Variants in NT5C2 observed in about 807,000 individuals in gnomAD.
NT5C2 encodes the protein 5'-nucleotidase, cytosolic II.
In NT5C2, 58 loss-of-function variants were observed where a neutral mutation model predicts 76.1. That is an observed-to-expected ratio of 0.76 (90% confidence interval 0.62 to 0.95). The LOEUF (loss-of-function observed/expected upper bound fraction) is 0.95, where lower values mean the gene tolerates loss of function less well. Ranked by LOEUF, NT5C2 falls within the 40% of genes least tolerant of loss-of-function variation. NT5C2 has a pLI of 0.00. For synonymous variants in NT5C2, 229 were observed against 237.4 expected (o/e 0.96, Z 0.32); for missense variants, 478 against 690.3 (o/e 0.69, Z 3.45).
intron 8 of NT5C2, 153 bp downstream of exon 8, chr10:103,100,892 T>C (rs1244425742): frequency 1.4e-6 from 1 of 702,882 alleles, no homozygotes; most frequent in Non-Finnish European, 2.6e-6. Flanking sequence ...CTGCTGGTGC[T>C]GTCCCATCTC....
Position 103,095,927 on chromosome 10 carries a change from CACAT to C in NT5C2, c.813+8_813+11del. 1 of 1,608,338 alleles carries C rather than the reference CACAT, an allele frequency of 6.2e-7. No homozygotes were observed. Among genetic ancestry groups the C allele is most frequent in the Non-Finnish European group, 8.5e-7 (1 of 1,175,166 alleles). ...TTATTAAAGCAGTGGTCTATTGAGT[CACAT>C]ACGGTACCTTGGGGCCATGTGGGAA... is the stretch of plus-strand genomic sequence containing the variant. On this transcript the variant is annotated splice_region_variant and intron_variant, in intron 12 of 18. Transcript: ENST00000404739.
At chr10:103,129,473 A>T (rs1299004021) in intron 4 of NT5C2, among the ~76,000 whole-genome samples, 1 of 66,114 alleles carries the variant, frequency 1.5e-5, no homozygotes, top group South Asian at 7.4e-4. Flanking sequence ...CGGGAGGGAG[A>T]TGGGGGGGTC....
intron 3 of NT5C2, among the ~76,000 whole-genome samples, chr10:103,167,915 T>C (rs1188968792): frequency 6.6e-6 from 1 of 152,176 alleles, no homozygotes; most frequent in Non-Finnish European, 1.5e-5. Context: ...ATCACAGGCA[T>C]AAGCCACCGT....
Position 103,143,602 on chromosome 10 carries a change from ATTTTTTTTTT to A in NT5C2, c.102-4133_102-4124del, listed in dbSNP as rs67395221. Among the ~76,000 whole-genome samples the A allele has an allele frequency of 6.2e-3, 336 of 53,916 alleles. 1 individual carries two copies. The highest frequency in any genetic ancestry group is 0.025 in the African/African-American group (272 of 11,044). 35.4% of individuals were successfully genotyped at this position (53,916 alleles called of 152,430 possible). On this transcript the variant is annotated intron_variant, in intron 3 of 18. Coordinates refer to ENST00000404739, the MANE Select transcript of NT5C2 (RefSeq NM_001351169.2). ...CAGGTACGCACCACCATGTCCAGCT[ATTTTTTTTTT>A]TTTTTTTTTTTTTTTTTTTTGTAGA...
intron 4 of NT5C2, among the ~76,000 whole-genome samples, chr10:103,129,977 A>AG (rs1464055517): frequency 6.7e-6 from 1 of 148,428 alleles, no homozygotes; most frequent in African/African-American, 2.5e-5. Flanking sequence ...CCGGGAGGTG[A>AG]GGGGCGCCTC....
intron 2 of NT5C2, among the ~76,000 whole-genome samples, chr10:103,177,825 A>G (rs1414439057): frequency 6.6e-6 from 1 of 152,216 alleles, no homozygotes; most frequent in Non-Finnish European, 1.5e-5. Context: ...TGGCCACTTT[A>G]AAGTGAACAA....
At chr10:103,118,741 A>C (rs2074986233) in intron 4 of NT5C2, among the ~76,000 whole-genome samples, 1 of 152,016 alleles carries the variant, frequency 6.6e-6, no homozygotes, top group Non-Finnish European at 1.5e-5. Context: ...TACTTTGTTT[A>C]GTTTTATGAA....
At chr10:103,134,820 A>T (rs998376262) in intron 4 of NT5C2, among the ~76,000 whole-genome samples, 1 of 152,188 alleles carries the variant, frequency 6.6e-6, no homozygotes, top group African/African-American at 2.4e-5. Flanking sequence ...AGCTGCCCAA[A>T]ACCATGGGAA....
At chr10:103,097,942 C>T in intron 10 of NT5C2, 1 of 476,194 alleles carries the variant, frequency 2.1e-6, no homozygotes, top group South Asian at 1.6e-5. Flanking sequence ...CAAATAGATT[C>T]CTTCACTCAA....
chr10:103,090,013 T>C (rs1013113635), intron 18 of NT5C2, 105 bp from the exon 19 acceptor site: 1 of 809,420 alleles, frequency 1.2e-6, no homozygotes, highest in Non-Finnish European at 1.9e-6. Flanking sequence ...ATTACATCTA[T>C]AATGGACCAC....
At chr10:103,134,944 G>A (rs949469543) in intron 4 of NT5C2, among the ~76,000 whole-genome samples, 8 of 152,220 alleles carry the variant, frequency 5.3e-5, no homozygotes, top group African/African-American at 1.9e-4. Flanking sequence ...GGGGCCTGTA[G>A]CCCCTTTGTT....
At chr10:103,187,852 G>A (rs1397420830) in intron 1 of NT5C2, among the ~76,000 whole-genome samples, 1 of 151,988 alleles carries the variant, frequency 6.6e-6, no homozygotes, top group African/African-American at 2.4e-5. Flanking sequence ...CATCTTTAAA[G>A]GCAAATGAGA....
At position 103,089,175 on chromosome 10, in the gene NT5C2, ACTTGAC is replaced by A; in HGVS notation, c.*491_*496del. ...ATGAATTAAAGGCTTATAAAAGAAA[ACTTGAC>A]CTTAACAGAGACTACATTTGATCAT... On this transcript the variant is annotated 3_prime_UTR_variant, in exon 19 of 19. Coordinates refer to ENST00000404739, the MANE Select transcript of NT5C2 (RefSeq NM_001351169.2). 4.4e-6 allele frequency: 1 copy of A among 225,084 alleles called. No individual in the cohort carries two copies. The highest frequency in any genetic ancestry group is 2.2e-5 in the African/African-American group (1 of 45,066). The allele number at this position is 225,084 out of a possible 1,614,324, so 13.9% of individuals were successfully genotyped here. A position where few individuals can be genotyped will look rare whatever the true frequency, so the allele number is the denominator to read the frequency against.
At chr10:103,166,040 G>C (rs2134299204) in intron 3 of NT5C2, among the ~76,000 whole-genome samples, 1 of 152,366 alleles carries the variant, frequency 6.6e-6, no homozygotes, top group Non-Finnish European at 1.5e-5. Context: ...AGTTGAGTAA[G>C]AAATGATACA....
intron 3 of NT5C2, among the ~76,000 whole-genome samples, chr10:103,155,935 G>A (rs566103859): frequency 2.3e-4 from 35 of 152,238 alleles, no homozygotes; most frequent in Admixed American, 1.2e-3. Context: ...AAGCTGAACT[G>A]GGAGGACTGC....
At chr10:103,167,563 CTCTA>C (rs944251760) in intron 3 of NT5C2, among the ~76,000 whole-genome samples, 1 of 151,984 alleles carries the variant, frequency 6.6e-6, no homozygotes, top group African/African-American at 2.4e-5. Flanking sequence ...ACCTGGCAGT[CTCTA>C]TCTACATATA....
intron 4 of NT5C2, among the ~76,000 whole-genome samples, chr10:103,123,842 G>A (rs944573787): frequency 1.4e-5 from 2 of 147,370 alleles, no homozygotes; most frequent in African/African-American, 2.5e-5. Flanking sequence ...TCAAGCCTTC[G>A]AAATTGGGGG....
In NT5C2 at chr10:103,089,619, G is replaced by GT. The variant is rs2066172618; in HGVS notation, c.*52dup. On this transcript the variant is annotated 3_prime_UTR_variant, in exon 19 of 19. Transcript: ENST00000404739. ...CCTAACAGGGACCTCGTTTGTTCCT[G>GT]TGAGTCCTGCCAGGACTTGTTTAAT... 6.6e-7 allele frequency: 1 copy of GT among 1,514,504 alleles called. No homozygotes were observed. The highest frequency in any genetic ancestry group is 1.3e-5 in the South Asian group (1 of 74,402). 93.8% of individuals were successfully genotyped at this position (1,514,504 alleles called of 1,614,324 possible).
intron 4 of NT5C2, among the ~76,000 whole-genome samples, chr10:103,118,260 T>C (rs901346209): frequency 3.9e-5 from 6 of 152,200 alleles, no homozygotes; most frequent in South Asian, 2.1e-4. Context: ...CTAACAGCTA[T>C]GTAAATCTAT....
Sources: allele counts gnomAD v4.1 joint callset (sites outside exome capture counted in the v4.1 genomes callset), GRCh38; gene constraint gnomAD v4.1.1; transcripts MANE v1.5; gene names NCBI Gene and HGNC (gene_info 2026-07-23, HGNC 2026-07-21).